The following PRDM6 variants were observed in gnomAD, a reference collection of about 807,000 sequenced individuals.
PRDM6 encodes putative histone-lysine N-methyltransferase PRDM6.
In PRDM6, 25 loss-of-function variants were observed where a neutral mutation model predicts 60.8. That is an observed-to-expected ratio of 0.41 (90% confidence interval 0.30 to 0.57). The LOEUF is 0.57. PRDM6 is among the 20% of genes least tolerant of loss of function. PRDM6 has a pLI of 0.27. For synonymous variants in PRDM6, 407 were observed against 357.4 expected (o/e 1.14, Z -1.57); for missense variants, 839 against 821.3 (o/e 1.02, Z -0.26).
In PRDM6 at chr5:123,190,957, C is replaced by T. The variant is rs1766419731; in HGVS notation, c.*3756C>T. On this transcript the variant is annotated 3_prime_UTR_variant, in exon 8 of 8. Transcript: ENST00000407847. ...GAAAATCTGAGAGAGGTAAATTCAT[C>T]TGGGGACCAGAAAATAGCATATTGC... is the stretch of plus-strand genomic sequence containing the variant. 2 of 152,180 alleles carry T rather than the reference C, an allele frequency of 1.3e-5. No individual in the cohort carries two copies. Among genetic ancestry groups the T allele is most frequent in the Non-Finnish European group, 2.9e-5 (2 of 68,036 alleles). 9.4% of individuals were successfully genotyped at this position (152,180 alleles called of 1,614,324 possible).
chr5:123,125,517 T>G (rs138914393), intron 3 of PRDM6, among the ~76,000 whole-genome samples: 102 of 152,324 alleles, frequency 6.7e-4, no homozygotes, highest in African/African-American at 2.4e-3. Context: ...AAATATACAG[T>G]GAGCCATTTG....
chr5:123,124,033 G>A (rs1764641050), intron 3 of PRDM6, among the ~76,000 whole-genome samples: 2 of 152,282 alleles, frequency 1.3e-5, no homozygotes, highest in South Asian at 4.1e-4. Context: ...AGGGAAGACA[G>A]GGTTCCTGCC....
At chr5:123,104,683 A>G (rs185085802) in intron 3 of PRDM6, among the ~76,000 whole-genome samples, 210 of 152,312 alleles carry the variant, frequency 1.4e-3, no homozygotes, top group African/African-American at 4.6e-3. Context: ...TAATGCTACT[A>G]TTATGTTTTA....
intron 3 of PRDM6, among the ~76,000 whole-genome samples, chr5:123,110,638 G>C (rs1764291996): frequency 6.7e-6 from 1 of 148,628 alleles, no homozygotes; most frequent in Admixed American, 6.7e-5. Flanking sequence ...CACAGTCTTG[G>C]CTCACCGCAA....
chr5:123,164,450 C>A (rs1156956189), intron 5 of PRDM6, among the ~76,000 whole-genome samples: 1 of 152,206 alleles, frequency 6.6e-6, no homozygotes, highest in Non-Finnish European at 1.5e-5. Flanking sequence ...ACTCTAAAAC[C>A]TAGCCCTAGT....
At chr5:123,184,514 G>A (rs1453477703) in intron 7 of PRDM6, among the ~76,000 whole-genome samples, 4 of 152,084 alleles carry the variant, frequency 2.6e-5, no homozygotes, top group Admixed American at 1.3e-4. Context: ...CCCTCCTGAC[G>A]CATTACCTGC....
At chr5:123,157,444 G>A (rs2126873871) in intron 4 of PRDM6, among the ~76,000 whole-genome samples, 1 of 152,210 alleles carries the variant, frequency 6.6e-6, no homozygotes, top group East Asian at 1.9e-4. Flanking sequence ...TTCTGAATTT[G>A]GGAAAACAAG....
Position 123,189,361 on chromosome 5 carries a change from T to C in PRDM6, c.*2160T>C, listed in dbSNP as rs1766358875. The C allele has an allele frequency of 6.6e-6, 1 of 152,210 alleles. No homozygotes were observed. The highest frequency in any genetic ancestry group is 1.5e-5 in the Non-Finnish European group (1 of 68,038). The allele number at this position is 152,210 out of a possible 1,614,324, so 9.4% of individuals were successfully genotyped here. On this transcript the variant is annotated 3_prime_UTR_variant, in exon 8 of 8. Coordinates refer to ENST00000407847, the MANE Select transcript of PRDM6 (RefSeq NM_001136239.4). Reference sequence around the variant, plus strand: ...GTATATTTCTAATTTTTTTTTTCATTTGAAAAATCAGCTCAGCCATTTGCC... The same window carrying C: ...GTATATTTCTAATTTTTTTTTTCATCTGAAAAATCAGCTCAGCCATTTGCC...
At chr5:123,150,929 A>C (rs886132351) in intron 3 of PRDM6, among the ~76,000 whole-genome samples, 2 of 152,210 alleles carry the variant, frequency 1.3e-5, no homozygotes, top group Non-Finnish European at 2.9e-5. Context: ...TTCAAAAAGC[A>C]TGTAATATTT....
At chr5:123,122,150 G>A (rs868132168) in intron 3 of PRDM6, among the ~76,000 whole-genome samples, 2 of 117,430 alleles carry the variant, frequency 1.7e-5, no homozygotes, top group African/African-American at 3.3e-5. Context: ...GCGACAGTGC[G>A]AGACTCCATC....
chr5:123,135,584 A>C (rs985909129), intron 3 of PRDM6, among the ~76,000 whole-genome samples: 19 of 152,216 alleles, frequency 1.2e-4, no homozygotes, highest in South Asian at 4.1e-4. Context: ...ACATTACAAC[A>C]ACCACCCTCC....
intron 3 of PRDM6, 49 bp downstream of exon 3, chr5:123,100,010 C>T (rs1764063083): frequency 6.9e-7 from 1 of 1,442,018 alleles, no homozygotes; most frequent in Non-Finnish European, 9.2e-7. Flanking sequence ...GAGCCTTGGC[C>T]AGCAGGGAGC....
intron 6 of PRDM6, among the ~76,000 whole-genome samples, chr5:123,174,743 T>C (rs977126862): frequency 7.9e-5 from 12 of 152,228 alleles, no homozygotes; most frequent in African/African-American, 2.7e-4. Context: ...TTATTTATTT[T>C]TTTTAACCAC....
Position 123,170,932 on chromosome 5 carries a change from A to T in PRDM6, c.1320A>T (p.Glu440Asp), listed in dbSNP as rs1374670065. The T allele has an allele frequency of 2.6e-6, 4 of 1,551,860 alleles. No homozygotes were observed. Among genetic ancestry groups the T allele is most frequent in the Non-Finnish European group, 2.6e-6 (3 of 1,147,046 alleles). The change falls in exon 6 of 8, where the codon GAA becomes GAT. Residue 440 changes from glutamate (E) to aspartate (D), a missense_variant. Physicochemically the swap from Glu to Asp is conservative, Grantham distance 45. Coordinates refer to ENST00000407847, the MANE Select transcript of PRDM6 (RefSeq NM_001136239.4). ...FSLLDKSGPI[E>D]SGFNQINVKN... ...TTCTGGATAAGTCTGGGCCCATTGAATCAGGATTTAATCAAATCAACGTGA... is the reference window on the plus strand; with the variant it reads ...TTCTGGATAAGTCTGGGCCCATTGATTCAGGATTTAATCAAATCAACGTGA...
chr5:123,184,957 G>C (rs1766250502), intron 7 of PRDM6, among the ~76,000 whole-genome samples: 1 of 152,146 alleles, frequency 6.6e-6, no homozygotes, highest in Admixed American at 6.5e-5. Context: ...TTGGTGTGCA[G>C]ATGGCTCTAG....
chr5:123,152,835 C>T (rs77139801), intron 3 of PRDM6, among the ~76,000 whole-genome samples: 2,634 of 152,222 alleles, frequency 0.017, 75 homozygotes, highest in African/African-American at 0.06. Flanking sequence ...CAACTCCTTT[C>T]TTGTGGTAGC....
At chr5:123,133,098 A>T (rs1764871092) in intron 3 of PRDM6, among the ~76,000 whole-genome samples, 1 of 152,170 alleles carries the variant, frequency 6.6e-6, no homozygotes, top group African/African-American at 2.4e-5. Context: ...TGGAAAGAAG[A>T]TATAAAGTCA....
chr5:123,184,024 A>G (rs1265641501), intron 7 of PRDM6, among the ~76,000 whole-genome samples: 1 of 152,198 alleles, frequency 6.6e-6, no homozygotes, highest in Non-Finnish European at 1.5e-5. Context: ...GCTCATGATG[A>G]AAAAAATCAA....
intron 3 of PRDM6, among the ~76,000 whole-genome samples, chr5:123,144,365 C>G (rs1369932501): frequency 6.6e-6 from 1 of 152,202 alleles, no homozygotes; most frequent in Non-Finnish European, 1.5e-5. Flanking sequence ...TGCCTCCTTT[C>G]AAACTTCACT....
Sources: gnomAD v4.1 joint callset for allele counts (sites outside exome capture counted in the v4.1 genomes callset) on GRCh38, gnomAD v4.1.1 for gene constraint, MANE v1.5 for transcripts, NCBI Gene and HGNC (gene_info 2026-07-23, HGNC 2026-07-21) for gene names.